The following DNAH14 variants were observed in gnomAD, a reference collection of about 807,000 sequenced individuals.
DNAH14 encodes the protein dynein axonemal heavy chain 14, also known as axonemal beta dynein heavy chain 14.
Under a neutral mutation model 520.9 loss-of-function variants are expected in DNAH14, and 478 were observed. The ratio of observed to expected loss-of-function variants is 0.92; its 90% CI spans 0.85 to 0.99. The LOEUF is 0.99. Ranked by LOEUF, DNAH14 falls within the 50% of genes least tolerant of loss-of-function variation. The pLI is 0.00. For missense variants in DNAH14, 4,831 were observed against 5,234.5 expected (o/e 0.92, Z 2.38); for synonymous variants, 1,581 against 1,757.2 (o/e 0.90, Z 2.51).
intron 15 of DNAH14, among the ~76,000 whole-genome samples, chr1:225,048,985 A>C (rs1471950538): frequency 7.0e-6 from 1 of 142,900 alleles, no homozygotes; most frequent in African/African-American, 2.7e-5. Context: ...TTCATCTTTT[A>C]TTATGCTAGT....
Position 225,111,018 on chromosome 1 carries a change from T to C in DNAH14, c.3868-6666T>C, listed in dbSNP as rs149313036. 7.1e-3 allele frequency among the ~76,000 whole-genome samples: 1,084 copies of C among 152,292 alleles called. 9 individuals are homozygous for C. The highest frequency in any genetic ancestry group is 0.024 in the African/African-American group (1,016 of 41,588). On this transcript the variant is annotated intron_variant, in intron 23 of 85. Coordinates refer to ENST00000682510, the MANE Select transcript of DNAH14 (RefSeq NM_001367479.1). The stretch of plus-strand genomic sequence containing the variant: ...TATTATTTCAGTGTTTTTGAATGTT[T>C]TAAGACTTGTTTTGTGGCCTAACAT...
At chr1:225,032,305 C>G (rs2066590619) in intron 11 of DNAH14, among the ~76,000 whole-genome samples, 1 of 152,040 alleles carries the variant, frequency 6.6e-6, no homozygotes, top group African/African-American at 2.4e-5. Flanking sequence ...TCATTTAGCT[C>G]CCACTTATAA....
chr1:225,335,378 T>TGTGCAC (rs1558428099), intron 66 of DNAH14, among the ~76,000 whole-genome samples: 2 of 47,474 alleles, frequency 4.2e-5, no homozygotes, highest in Non-Finnish European at 3.9e-5. Flanking sequence ...CATGTGTGTG[T>TGTGCAC]ATATGCACAT....
Position 225,346,206 on chromosome 1 carries a change from A to G in DNAH14, c.10923A>G (p.Ser3641=). Residue 3641 remains serine, a synonymous_variant, in exon 70 of 86, where the codon TCA becomes TCG. Transcript: ENST00000682510. Reference sequence around the variant, plus strand: ...GGTTTCATCAGGTTTTTGTTTCATCAGTAGTTTCCAAAAGCAAAGAACAAG... The same window carrying G: ...GGTTTCATCAGGTTTTTGTTTCATCGGTAGTTTCCAAAAGCAAAGAACAAG... ...LDWFHQVFVS[S]VVSKSKEQEH... is the part of the protein sequence containing the mutation. 1 of 1,551,680 alleles carries G rather than the reference A, an allele frequency of 6.4e-7. No individual in the cohort carries two copies. Among genetic ancestry groups the G allele is most frequent in the Non-Finnish European group, 8.7e-7 (1 of 1,146,978 alleles).
chr1:225,147,087 C>T lies in DNAH14; in HGVS notation c.4795-17C>T. On this transcript the variant is annotated splice_polypyrimidine_tract_variant and intron_variant, in intron 30 of 85. Coordinates refer to ENST00000682510, the MANE Select transcript of DNAH14 (RefSeq NM_001367479.1). ...TTATAATAATTTTAGTAATCAATCT[C>T]TTTTTTTTTTTAAAAGATAGTGAGA... The T allele has an allele frequency of 8.5e-7, 1 of 1,176,542 alleles. No individual in the cohort carries two copies. Among genetic ancestry groups the T allele is most frequent in the Non-Finnish European group, 1.1e-6 (1 of 871,744 alleles). The allele number at this position is 1,176,542 out of a possible 1,614,324, so 72.9% of individuals were successfully genotyped here.
At chr1:225,085,890 A>G in intron 21 of DNAH14, 101 bp downstream of exon 21, 2 of 1,126,328 alleles carry the variant, frequency 1.8e-6, no homozygotes, top group Non-Finnish European at 2.3e-6. Context: ...TGTATAAATC[A>G]TTCATATACT....
At position 225,122,331 on chromosome 1, in the gene DNAH14, A is replaced by G. The variant is rs189525025; in HGVS notation, c.4167-1196A>G. On this transcript the variant is annotated intron_variant, in intron 26 of 85. Transcript: ENST00000682510. The stretch of plus-strand genomic sequence containing the variant: ...CAACAACCTATATGCCGTGGTTGCA[A>G]CTGACAAGCAGGGCATGTGGAAGGA... Among the ~76,000 whole-genome samples the G allele has an allele frequency of 1.2e-4, 19 of 152,318 alleles. No individual in the cohort carries two copies. In the East Asian group the frequency reaches 3.1e-3, roughly 25 times the overall value.
At chr1:225,055,120 T>A (rs1034219774) in intron 17 of DNAH14, among the ~76,000 whole-genome samples, 2 of 152,032 alleles carry the variant, frequency 1.3e-5, no homozygotes, top group African/African-American at 4.8e-5. Flanking sequence ...ATCTTCCCTC[T>A]CCTGATTCTC....
At chr1:225,306,530 C>A (rs1369020225) in intron 58 of DNAH14, among the ~76,000 whole-genome samples, 1 of 152,174 alleles carries the variant, frequency 6.6e-6, no homozygotes, top group Non-Finnish European at 1.5e-5. Flanking sequence ...CCTCTCACTC[C>A]TAACCTCCTG....
At chr1:225,285,057 A>G (rs2093706577) in intron 54 of DNAH14, among the ~76,000 whole-genome samples, 1 of 152,226 alleles carries the variant, frequency 6.6e-6, no homozygotes, top group Admixed American at 6.5e-5. Flanking sequence ...CTTTTCCCCT[A>G]AGATTGAGAA....
chr1:225,040,462 T>A (rs927705113), intron 12 of DNAH14, among the ~76,000 whole-genome samples: 1 of 152,186 alleles, frequency 6.6e-6, no homozygotes, highest in African/African-American at 2.4e-5. Context: ...GTACAATGCA[T>A]ATGTATTTTT....
chr1:225,361,835 CA>C (rs2095495611), intron 75 of DNAH14, among the ~76,000 whole-genome samples: 1 of 151,598 alleles, frequency 6.6e-6, no homozygotes, highest in East Asian at 1.9e-4. Context: ...GCCTGGGCAA[CA>C]GAGTGAACCC....
chr1:225,354,347 A>G (rs2095407154), intron 73 of DNAH14: 2 of 671,278 alleles, frequency 3.0e-6, no homozygotes, highest in Non-Finnish European at 5.5e-6. Flanking sequence ...ATCCACCAAC[A>G]TGACCTTTAT....
chr1:225,141,286 C>T (rs1175780852), intron 28 of DNAH14, among the ~76,000 whole-genome samples: 2 of 152,100 alleles, frequency 1.3e-5, no homozygotes, highest in East Asian at 3.9e-4. Flanking sequence ...AGATCACATT[C>T]ACATAACATG....
chr1:225,094,690 AC>A (rs1558937503), intron 21 of DNAH14, among the ~76,000 whole-genome samples: 35 of 113,720 alleles, frequency 3.1e-4, no homozygotes, highest in South Asian at 7.5e-4. Context: ...AACAAAACAA[AC>A]AAACAAAAAA....
At chr1:225,364,694 T>G in intron 75 of DNAH14, 98 bp from the exon 76 acceptor site, 1 of 829,638 alleles carries the variant, frequency 1.2e-6, no homozygotes. Context: ...ATTAAAATGA[T>G]TCGTAAGGCC....
At chr1:224,980,382 G>A (rs1257072920) in intron 8 of DNAH14, among the ~76,000 whole-genome samples, 2 of 152,160 alleles carry the variant, frequency 1.3e-5, no homozygotes. Context: ...GGTGGCCACG[G>A]GGATTTCCTC....
intron 41 of DNAH14, among the ~76,000 whole-genome samples, chr1:225,230,704 T>A (rs1339749154): frequency 6.6e-6 from 1 of 152,128 alleles, no homozygotes; most frequent in Non-Finnish European, 1.5e-5. Flanking sequence ...TTGCCCCACT[T>A]TATGAGGGCC....
intron 41 of DNAH14, among the ~76,000 whole-genome samples, chr1:225,220,886 C>A (rs1316403175): frequency 6.6e-6 from 1 of 152,166 alleles, no homozygotes; most frequent in Non-Finnish European, 1.5e-5. Flanking sequence ...AGGCATCACA[C>A]TGCCTTACTT....
Sources: gnomAD v4.1 joint callset for allele counts (sites outside exome capture counted in the v4.1 genomes callset) on GRCh38, gnomAD v4.1.1 for gene constraint, MANE v1.5 for transcripts, NCBI Gene and HGNC (gene_info 2026-07-23, HGNC 2026-07-21) for gene names.